The following TARS1 variants were observed in gnomAD, a reference collection of about 807,000 sequenced individuals.
TARS1 encodes threonyl-tRNA synthetase 1, also known as threonine--tRNA ligase 1, cytoplasmic.
In TARS1, 57 loss-of-function variants were observed where a neutral mutation model predicts 97.7. The ratio of observed to expected loss-of-function variants is 0.58; its 90% CI spans 0.47 to 0.73. The LOEUF is 0.73. Among genes scored for constraint, TARS1 ranks in the 30% least tolerant of loss-of-function variants. TARS1 has a pLI of 0.00. For missense variants in TARS1, 806 were observed against 888.3 expected, an observed-to-expected ratio of 0.91 and a Z score of 1.18; for synonymous variants, 312 against 293.7, an observed-to-expected ratio of 1.06 and a Z score of -0.64.
rs747172275 is a variant in TARS1, at chr5:33,441,074, T to A, written c.-13T>A. On this transcript the variant is annotated 5_prime_UTR_variant, in exon 1 of 19. Coordinates refer to ENST00000265112, the MANE Select transcript of TARS1 (RefSeq NM_152295.5). ...GTCGCTTTCGGGTTCTCTCATCGCT[T>A]CGTCGTTCGCCAATGTTTGAGGAGA... is the stretch of plus-strand genomic sequence containing the variant. 2.5e-6 allele frequency: 4 copies of A among 1,614,212 alleles called. No individual in the cohort carries two copies. The South Asian group carries it at 4.4e-5, about 18-fold the overall frequency.
At chr5:33,463,333 A>G (rs1399911752) in intron 16 of TARS1, among the ~76,000 whole-genome samples, 3 of 152,228 alleles carry the variant, frequency 2.0e-5, no homozygotes, top group Non-Finnish European at 4.4e-5. Context: ...TACAAAATGG[A>G]TGTTGAGTAA....
Position 33,448,637 on chromosome 5 carries a change from G to T in TARS1, c.235G>T (p.Asp79Tyr). 6.2e-7 allele frequency: 1 copy of T among 1,613,864 alleles called. No individual in the cohort carries two copies. The highest frequency in any genetic ancestry group is 8.5e-7 in the Non-Finnish European group (1 of 1,179,892). Reference protein sequence around the residue: ...DSILAEKAEKDSKPIKVTLPD... With the variant: ...DSILAEKAEKYSKPIKVTLPD... ...CATTCTGGCAGAAAAGGCAGAAAAA[G>T]ATAGCAAGCCAATTAAAGTCACTTT... The change falls in exon 3 of 19, where the codon GAT becomes TAT. Residue 79 changes from aspartate to tyrosine, a missense_variant. By Grantham distance (160) the Asp-to-Tyr change is radical. Around this residue, in one of 3 missense-constraint regions of TARS1, gnomAD observed 356 missense variants for 357.8 expected, o/e 0.99. Transcript: ENST00000265112.
chr5:33,452,771 C>CT (rs200400832), intron 3 of TARS1, among the ~76,000 whole-genome samples: 30 of 99,644 alleles, frequency 3.0e-4, no homozygotes, highest in East Asian at 1.3e-3. Context: ...TTTAGTAGGC[C>CT]TTTTTTTTTT....
chr5:33,456,688 A>G (rs1451612291), intron 8 of TARS1, among the ~76,000 whole-genome samples: 1 of 151,388 alleles, frequency 6.6e-6, no homozygotes, highest in African/African-American at 2.4e-5. Context: ...GCTCATTTCT[A>G]TTTTTGCTCA....
At chr5:33,441,248 C>A (rs1013174840) in intron 1 of TARS1, 105 bp downstream of exon 1, 18 of 1,407,270 alleles carry the variant, frequency 1.3e-5, no homozygotes, top group Non-Finnish European at 1.7e-5. Flanking sequence ...GCGGCCGGGA[C>A]CGCGTGGGTC....
intron 11 of TARS1, 26 bp downstream of exon 11, chr5:33,459,887 T>C (rs773972627): frequency 1.3e-6 from 2 of 1,595,054 alleles, no homozygotes; most frequent in South Asian, 2.2e-5. Context: ...GAATTTCTAC[T>C]GAAGATTTTC....
rs565614980 is a variant in TARS1, at chr5:33,450,353, C to T, written c.329+1622C>T. Among the ~76,000 whole-genome samples the T allele has an allele frequency of 1.2e-4, 19 of 152,268 alleles. 1 individual carries two copies. Among genetic ancestry groups the T allele is most frequent in the Middle Eastern group, 3.4e-3 (1 of 294 alleles). ...GCACAAAAACAGTTTGGGGAACCAA[C>T]GTGGCTGATTCTTGGTAAGCGTATT... On this transcript the variant is annotated intron_variant, in intron 3 of 18. Coordinates refer to ENST00000265112, the MANE Select transcript of TARS1 (RefSeq NM_152295.5).
In TARS1 at chr5:33,456,199, G is replaced by A. The variant is rs779839388; in HGVS notation, c.809G>A (p.Gly270Asp). Residue 270 changes from glycine to aspartate, a missense_variant, in exon 8 of 19, where the codon GGC becomes GAC. Physicochemically the swap from Gly to Asp is moderately conservative, Grantham distance 94. Transcript: ENST00000265112. The part of the protein sequence containing the change: ...LCRGPHVRHT[G>D]KIKALKIHKN... ...CGGGGTCCTCATGTTAGACACACGG[G>A]CAAAATTAAGGCTTTAAAAATACAC... 3 of 1,613,754 alleles carry A rather than the reference G, an allele frequency of 1.9e-6. No individual in the cohort carries two copies. The South Asian group carries it at 3.3e-5, about 18-fold the overall frequency.
intron 2 of TARS1, among the ~76,000 whole-genome samples, chr5:33,447,591 A>C (rs780511708): frequency 1.4e-4 from 22 of 152,142 alleles, no homozygotes; most frequent in Non-Finnish European, 3.1e-4. Flanking sequence ...TACTCCTTTC[A>C]AATTGTGGTA....
At chr5:33,455,859 T>C (rs529916229) in intron 6 of TARS1, 143 bp from the exon 7 acceptor site, 1 of 987,800 alleles carries the variant, frequency 1.0e-6, no homozygotes, top group East Asian at 2.6e-5. Flanking sequence ...TTCATTTTTT[T>C]CCTAGCAAAC....
At chr5:33,465,576 G>A (rs924822041) in intron 17 of TARS1, among the ~76,000 whole-genome samples, 1 of 152,158 alleles carries the variant, frequency 6.6e-6, no homozygotes, top group African/African-American at 2.4e-5. Context: ...GACCTATCTT[G>A]GCATTCTAAA....
chr5:33,460,741 C>T (rs1166259248), intron 11 of TARS1, among the ~76,000 whole-genome samples, 161 bp from the exon 12 acceptor site: 1 of 152,212 alleles, frequency 6.6e-6, no homozygotes, highest in Non-Finnish European at 1.5e-5. Flanking sequence ...TTTATTCATG[C>T]AAGTGCTTTT....
At chr5:33,461,130 G>GT (rs754323197) in intron 12 of TARS1, 28 bp from the exon 13 acceptor site, 1 of 1,603,050 alleles carries the variant, frequency 6.2e-7, no homozygotes, top group African/African-American at 1.3e-5. Flanking sequence ...AATAACTACT[G>GT]TTTCTTTTTT....
chr5:33,459,864 A>G lies in TARS1; in HGVS notation c.1250+3A>G, dbSNP rs1742208256. ...CCCATGAACTGCCCAGGACACTGGT[A>G]TTCGGCAGCTTTGAATTTCTACTGA... On this transcript the variant is annotated splice_donor_region_variant and intron_variant, in intron 11 of 18. Transcript: ENST00000265112. The G allele has an allele frequency of 6.2e-7, 1 of 1,603,376 alleles. No individual in the cohort carries two copies. The highest frequency in any genetic ancestry group is 1.3e-5 in the African/African-American group (1 of 74,758).
intron 1 of TARS1, chr5:33,441,364 T>C (rs564588891): frequency 1.6e-4 from 89 of 570,576 alleles, no homozygotes; most frequent in East Asian, 1.5e-3. Context: ...GGGTCCATTC[T>C]CTTTACAGAT....
intron 3 of TARS1, among the ~76,000 whole-genome samples, chr5:33,452,177 T>C (rs1367609984): frequency 6.6e-6 from 1 of 152,198 alleles, no homozygotes; most frequent in African/African-American, 2.4e-5. Flanking sequence ...AGCCTTCTAG[T>C]GGTAGGTTTC....
chr5:33,456,176 G>C lies in TARS1; in HGVS notation c.786G>C (p.Arg262=), dbSNP rs1454546101. 1 of 1,613,792 alleles carries C rather than the reference G, an allele frequency of 6.2e-7. No individual in the cohort carries two copies. Among genetic ancestry groups the C allele is most frequent in the Non-Finnish European group, 8.5e-7 (1 of 1,179,952 alleles). The change falls in exon 8 of 19, where the codon CGG becomes CGC. Residue 262 remains arginine, a synonymous_variant. Coordinates refer to ENST00000265112, the MANE Select transcript of TARS1 (RefSeq NM_152295.5). The part of the protein sequence containing the change: ...YRCGPLIDLC[R]GPHVRHTGKI... ...GTGGCCCTTTGATAGATCTCTGCCG[G>C]GGTCCTCATGTTAGACACACGGGCA...
chr5:33,467,051 C>G (rs916566879), intron 18 of TARS1, 66 bp downstream of exon 18: 4 of 915,202 alleles, frequency 4.4e-6, no homozygotes, highest in Non-Finnish European at 6.5e-6. Flanking sequence ...AACCTTGAGA[C>G]AGGTTTAAGT....
At chr5:33,452,914 G>A (rs1741813390) in intron 3 of TARS1, among the ~76,000 whole-genome samples, 1 of 151,826 alleles carries the variant, frequency 6.6e-6, no homozygotes, top group Admixed American at 6.6e-5. Context: ...CTTCAGGCCA[G>A]GAGGCCAGCC....
Sources: gnomAD v4.1 joint callset for allele counts (sites outside exome capture counted in the v4.1 genomes callset) on GRCh38, gnomAD v4.1.1 for gene constraint, gnomAD v4.1.1 regional missense constraint, MANE v1.5 for transcripts, NCBI Gene and HGNC (gene_info 2026-07-23, HGNC 2026-07-21) for gene names.